Variants in COL5A2 observed in about 807,000 individuals in gnomAD.
COL5A2 encodes the protein collagen alpha-2(V) chain.
A neutral mutation model predicts 208.2 loss-of-function variants in COL5A2; 23 were observed. That is an observed-to-expected ratio of 0.11 (90% CI 0.08 to 0.16). The LOEUF (loss-of-function observed/expected upper bound fraction) is 0.16, where lower values mean the gene tolerates loss of function less well. COL5A2 is among the 10% of genes least tolerant of loss of function. The pLI is 1.00. For missense variants in COL5A2, 1,590 were observed against 1,956.4 expected (o/e 0.81, Z 3.53); for synonymous variants, 625 against 628.5 (o/e 0.99, Z 0.08).
At chr2:189,271,135 T>C in the COL5A2 span, among the ~76,000 whole-genome samples, 1 of 152,230 alleles carries the variant, frequency 6.6e-6, no homozygotes, top group South Asian at 2.1e-4. Context: ...TGGACTTTCT[T>C]CACAGAATTA....
intron 1 of COL5A2, among the ~76,000 whole-genome samples, chr2:189,210,557 T>C (rs984767689): frequency 2.0e-5 from 3 of 152,132 alleles, no homozygotes; most frequent in African/African-American, 7.2e-5. Flanking sequence ...TAAAGAGACA[T>C]TCACAAAACA....
At position 189,034,987 on chromosome 2, in the gene COL5A2, C is replaced by T; in HGVS notation, c.4282G>A (p.Ala1428Thr). 2 of 1,613,870 alleles carry T rather than the reference C, an allele frequency of 1.2e-6. No homozygotes were observed. The highest frequency in any genetic ancestry group is 2.2e-5 in the East Asian group (1 of 44,824). The part of the protein sequence containing the change: ...NLKKAVVLKG[A>T]NDLDIKAEGN... ...TCTGCTTTGATATCTAAGTCATTTG[C>T]CCCTTTGAGAACCACAGCTTTTTTG... The change falls in exon 53 of 54, where the codon GCA becomes ACA. Residue 1428 changes from alanine (A) to threonine (T), a missense_variant. Coordinates refer to ENST00000374866, the MANE Select transcript of COL5A2 (RefSeq NM_000393.5).
At chr2:189,239,135 A>G in the COL5A2 span, among the ~76,000 whole-genome samples, 1 of 152,142 alleles carries the variant, frequency 6.6e-6, no homozygotes, top group African/African-American at 2.4e-5. Flanking sequence ...ATTCAATTCT[A>G]GCTGATCATC....
At chr2:189,267,213 T>C in the COL5A2 span, among the ~76,000 whole-genome samples, 2 of 152,124 alleles carry the variant, frequency 1.3e-5, no homozygotes, top group Admixed American at 6.5e-5. Flanking sequence ...AGACACACAT[T>C]GCCTGCATCC....
At chr2:189,126,883 T>C (rs1246892146) in intron 1 of COL5A2, among the ~76,000 whole-genome samples, 1 of 152,052 alleles carries the variant, frequency 6.6e-6, no homozygotes, top group Non-Finnish European at 1.5e-5. Context: ...TGAGTACCTA[T>C]TATGTGCCAT....
At chr2:189,372,160 C>G in the COL5A2 span, among the ~76,000 whole-genome samples, 1 of 152,074 alleles carries the variant, frequency 6.6e-6, no homozygotes, top group Non-Finnish European at 1.5e-5. Flanking sequence ...GTGCAAGCCT[C>G]TAAAATAGAA....
the COL5A2 span, among the ~76,000 whole-genome samples, chr2:189,262,764 T>C: frequency 6.6e-6 from 1 of 152,068 alleles, no homozygotes; most frequent in Non-Finnish European, 1.5e-5. Context: ...AATAAGTATT[T>C]CAATATTCAG....
chr2:189,365,070 A>G, the COL5A2 span, among the ~76,000 whole-genome samples: 2 of 152,252 alleles, frequency 1.3e-5, no homozygotes, highest in Non-Finnish European at 2.9e-5. Context: ...ATAGTATCAA[A>G]TACTTTTTTC....
intron 1 of COL5A2, among the ~76,000 whole-genome samples, chr2:189,209,051 A>G (rs1689176615): frequency 6.6e-6 from 1 of 152,078 alleles, no homozygotes; most frequent in Non-Finnish European, 1.5e-5. Flanking sequence ...GCCCTGCTTC[A>G]TGGGGGTCTT....
At chr2:189,178,466 G>A (rs1203345768) in intron 1 of COL5A2, among the ~76,000 whole-genome samples, 2 of 151,920 alleles carry the variant, frequency 1.3e-5, no homozygotes, top group Non-Finnish European at 2.9e-5. Context: ...AGTTTTAAAA[G>A]CTTGAGTTTG....
chr2:189,208,953 C>CT (rs528069251), intron 1 of COL5A2, among the ~76,000 whole-genome samples: 64 of 152,256 alleles, frequency 4.2e-4, no homozygotes, highest in African/African-American at 1.5e-3. Context: ...GGCACCAGAA[C>CT]TTTTTTTGGC....
At chr2:189,048,312 A>G (rs1685713582) in intron 44 of COL5A2, 50 bp from the exon 45 acceptor site, 10 of 1,545,606 alleles carry the variant, frequency 6.5e-6, no homozygotes, top group Non-Finnish European at 8.9e-6. Context: ...AATGAAAAAA[A>G]TCCTCATTCC....
intron 18 of COL5A2, 28 bp from the exon 19 acceptor site, chr2:189,068,912 T>C (rs1212635722): frequency 2.0e-6 from 3 of 1,488,396 alleles, no homozygotes; most frequent in East Asian, 2.3e-5. Context: ...GAAATGTTAA[T>C]TTAAGAAAAA....
At chr2:189,172,195 G>A (rs1688585137) in intron 1 of COL5A2, among the ~76,000 whole-genome samples, 1 of 152,206 alleles carries the variant, frequency 6.6e-6, no homozygotes, top group Non-Finnish European at 1.5e-5. Context: ...CAGGCTGTGG[G>A]AGAGAGCTGA....
the COL5A2 span, among the ~76,000 whole-genome samples, chr2:189,288,117 CAGTA>C: frequency 3.3e-5 from 5 of 151,966 alleles, no homozygotes; most frequent in African/African-American, 9.7e-5. Context: ...AGAGGTCCCA[CAGTA>C]AGTATCTGAA....
the COL5A2 span, among the ~76,000 whole-genome samples, chr2:189,285,071 G>GGGGT: frequency 1.4e-5 from 2 of 139,790 alleles, no homozygotes; most frequent in Middle Eastern, 7.2e-3. Flanking sequence ...GCATGCACAT[G>GGGGT]GTGTGTGTGT....
chr2:189,036,229 A>G (rs1685441328), intron 52 of COL5A2, among the ~76,000 whole-genome samples: 1 of 152,134 alleles, frequency 6.6e-6, no homozygotes, highest in African/African-American at 2.4e-5. Context: ...CAAAGTCAGT[A>G]CAAGATCCCC....
intron 12 of COL5A2, among the ~76,000 whole-genome samples, chr2:189,081,409 A>G (rs1235417905): frequency 6.6e-6 from 1 of 152,184 alleles, no homozygotes; most frequent in Non-Finnish European, 1.5e-5. Context: ...ATACCAAGGT[A>G]GAAAAAAAAT....
chr2:189,395,898 CAAAAAAAAAAAAAA>C, the COL5A2 span, among the ~76,000 whole-genome samples: 14 of 53,210 alleles, frequency 2.6e-4, no homozygotes, highest in Middle Eastern at 0.043. Context: ...GGACACATCT[CAAAAAAAAAAAAAA>C]AAAAAAAAAA....
Sources: allele counts gnomAD v4.1 joint callset (sites outside exome capture counted in the v4.1 genomes callset), GRCh38; gene constraint gnomAD v4.1.1; transcripts MANE v1.5; gene names NCBI Gene and HGNC (gene_info 2026-07-23, HGNC 2026-07-21).